The following CAMK2B variants were observed in gnomAD, a reference collection of about 807,000 sequenced individuals.
CAMK2B encodes the protein calcium/calmodulin-dependent protein kinase type II subunit beta.
A neutral mutation model predicts 93.7 loss-of-function variants in CAMK2B; 27 were observed. That is an observed-to-expected ratio of 0.29 (90% CI 0.21 to 0.40). CAMK2B has a LOEUF of 0.40. Ranked by LOEUF, CAMK2B falls within the 10% of genes least tolerant of loss-of-function variation. The pLI is 1.00. For synonymous variants in CAMK2B, 374 were observed against 358.8 expected (o/e 1.04, Z -0.48); for missense variants, 568 against 895.8 (o/e 0.63, Z 4.67).
intron 1 of CAMK2B, among the ~76,000 whole-genome samples, chr7:44,304,611 T>C (rs1790953497): frequency 1.3e-5 from 2 of 152,008 alleles, no homozygotes; most frequent in African/African-American, 4.8e-5. Flanking sequence ...GAGAGACAAA[T>C]AGGTGGAGCA....
intron 1 of CAMK2B, among the ~76,000 whole-genome samples, chr7:44,291,756 C>T (rs1056787763): frequency 2.0e-5 from 3 of 152,224 alleles, no homozygotes; most frequent in Non-Finnish European, 2.9e-5. Flanking sequence ...CTTCCCTTCT[C>T]GAAAATGGCC....
Position 44,224,499 on chromosome 7 carries a change from C to CCT in CAMK2B, c.1597+2015_1597+2016dup, listed in dbSNP as rs1315636031. Among the ~76,000 whole-genome samples the CCT allele has an allele frequency of 6.6e-6, 1 of 152,214 alleles. No individual in the cohort carries two copies. Among genetic ancestry groups the CCT allele is most frequent in the Non-Finnish European group, 1.5e-5 (1 of 68,048 alleles). ...TGGAGGGGTCTGCACGAGCCAAGAG[C>CCT]CTCTGCAAGTCAGGCCTTCCAGGTG... On this transcript the variant is annotated intron_variant, in intron 20 of 23. Transcript: ENST00000395749. This position sits in a 1 kb window ranked among gnomAD's most constrained non-coding sequence, Gnocchi z 4.4.
At position 44,229,422 on chromosome 7, in the gene CAMK2B, T is replaced by TGGGCA. The variant is rs753322867; in HGVS notation, c.1300_1304dup (p.Ser436AlafsTer21). 3 of 1,495,920 alleles carry TGGGCA rather than the reference T, an allele frequency of 2.0e-6. No homozygotes were observed. The highest frequency in any genetic ancestry group is 2.6e-5 in the South Asian group (2 of 76,790). 92.7% of individuals were successfully genotyped at this position (1,495,920 alleles called of 1,614,324 possible). A position where few individuals can be genotyped will look rare whatever the true frequency, so the allele number is the denominator to read the frequency against. On this transcript the variant is annotated frameshift_variant, in exon 18 of 24. Transcript: ENST00000395749. LOFTEE classifies it high-confidence loss of function. ...GCAGGGGGCTAAAGGGAGCCGGAGA[T>TGGGCA]GGGCAGGGCAGGGGCCCCTCGGCTT...
chr7:44,299,174 G>C (rs899221305), intron 1 of CAMK2B, among the ~76,000 whole-genome samples: 1 of 152,206 alleles, frequency 6.6e-6, no homozygotes, highest in Non-Finnish European at 1.5e-5. Flanking sequence ...GATAAATAAA[G>C]TGTGGTCTAT....
At chr7:44,308,998 A>AG (rs1383680246) in intron 1 of CAMK2B, among the ~76,000 whole-genome samples, 1 of 152,166 alleles carries the variant, frequency 6.6e-6, no homozygotes, top group Non-Finnish European at 1.5e-5. Context: ...TAGCCCTGTC[A>AG]GGGGGGTTGT....
intron 15 of CAMK2B, 76 bp downstream of exon 15, chr7:44,234,314 C>T: frequency 1.5e-6 from 2 of 1,331,540 alleles, no homozygotes; most frequent in Non-Finnish European, 2.0e-6. Flanking sequence ...CTTCACCCGG[C>T]CCCCTCTGAC....
At chr7:44,314,663 C>T (rs1464448290) in intron 1 of CAMK2B, among the ~76,000 whole-genome samples, 1 of 152,190 alleles carries the variant, frequency 6.6e-6, no homozygotes, top group Non-Finnish European at 1.5e-5. Context: ...TTTGAAGACC[C>T]ACCAAAGTAT....
At position 44,228,751 on chromosome 7, in the gene CAMK2B, A is replaced by G. The variant is rs756099627; in HGVS notation, c.1468+45T>C. ...TGCTGAGCGCCGGCCATTCGCAGGG[A>G]GCTGTCCGGCAGCAGAGGCGGCAGG... is the stretch of plus-strand genomic sequence containing the variant. On this transcript the variant is annotated intron_variant, in intron 19 of 23. Transcript: ENST00000395749. The G allele has an allele frequency of 4.9e-6, 7 of 1,424,478 alleles. No homozygotes were observed. In the Admixed American group the frequency reaches 8.9e-5, roughly 18 times the overall value. The allele number at this position is 1,424,478 out of a possible 1,614,324, so 88.2% of individuals were successfully genotyped here.
chr7:44,227,919 T>G, intron 19 of CAMK2B, among the ~76,000 whole-genome samples: 2 of 82,498 alleles, frequency 2.4e-5, no homozygotes, highest in African/African-American at 4.8e-5. Flanking sequence ...TAGGGGGACG[T>G]GGAGAGGTTG....
intron 15 of CAMK2B, among the ~76,000 whole-genome samples, chr7:44,233,977 C>G (rs574049873): frequency 6.6e-6 from 1 of 152,366 alleles, no homozygotes; most frequent in East Asian, 1.9e-4. Flanking sequence ...GCCAGACCTT[C>G]GGAGTGGTCT....
chr7:44,252,451 C>T (rs1370193195), intron 5 of CAMK2B, among the ~76,000 whole-genome samples: 3 of 151,100 alleles, frequency 2.0e-5, no homozygotes, highest in East Asian at 2.0e-4. Flanking sequence ...GGAGAGGGTG[C>T]AGCACAGAGG....
intron 1 of CAMK2B, among the ~76,000 whole-genome samples, chr7:44,303,542 A>C (rs1419896242): frequency 6.6e-6 from 1 of 152,248 alleles, no homozygotes; most frequent in East Asian, 1.9e-4. Flanking sequence ...GAACAACTGG[A>C]TATTCAGATG....
At chr7:44,305,119 T>C (rs1390844014) in intron 1 of CAMK2B, among the ~76,000 whole-genome samples, 2 of 152,170 alleles carry the variant, frequency 1.3e-5, no homozygotes, top group Non-Finnish European at 2.9e-5. Flanking sequence ...TCTAAAGTCT[T>C]CCCCTGGAGC....
intron 3 of CAMK2B, among the ~76,000 whole-genome samples, chr7:44,259,185 C>T (rs1465691349): frequency 6.6e-6 from 1 of 152,222 alleles, no homozygotes; most frequent in East Asian, 1.9e-4. Context: ...CAGTGCCTCA[C>T]CCTCCGCTGC....
At chr7:44,236,612 A>C (rs897643620) in intron 13 of CAMK2B, among the ~76,000 whole-genome samples, 1 of 152,162 alleles carries the variant, frequency 6.6e-6, no homozygotes, top group Non-Finnish European at 1.5e-5. Flanking sequence ...GCTGCAGCTC[A>C]AATCTGCTTC....
At chr7:44,220,501 TG>T in intron 22 of CAMK2B, 114 bp downstream of exon 22, 1 of 1,003,868 alleles carries the variant, frequency 1.0e-6, no homozygotes, top group Non-Finnish European at 1.5e-6. Context: ...TGGCCAACCC[TG>T]GGCACAGAGG....
intron 1 of CAMK2B, among the ~76,000 whole-genome samples, chr7:44,292,494 CAT>C (rs1319661656): frequency 1.3e-5 from 2 of 152,192 alleles, no homozygotes; most frequent in East Asian, 1.9e-4. Context: ...ACTCCTCAAA[CAT>C]AAGCTTCATA....
intron 1 of CAMK2B, among the ~76,000 whole-genome samples, chr7:44,297,387 A>T (rs781666603): frequency 7.2e-5 from 11 of 152,232 alleles, no homozygotes; most frequent in Non-Finnish European, 1.2e-4. Flanking sequence ...AAAATGCTCA[A>T]TTAAACCACA....
intron 1 of CAMK2B, among the ~76,000 whole-genome samples, chr7:44,313,507 T>G (rs183979958): frequency 5.3e-5 from 8 of 151,244 alleles, no homozygotes; most frequent in African/African-American, 1.7e-4. Context: ...TCCCAGAACG[T>G]GAGGTGAGGC....
Sources: allele counts gnomAD v4.1 joint callset (sites outside exome capture counted in the v4.1 genomes callset), GRCh38; gene constraint gnomAD v4.1.1; non-coding constraint Gnocchi (gnomAD v3.1); transcripts MANE v1.5; gene names NCBI Gene and HGNC (gene_info 2026-07-23, HGNC 2026-07-21).